CSMD1: variants seen among roughly 807,000 people sequenced by gnomAD.
The protein encoded by CSMD1 is CUB and Sushi multiple domains 1.
In CSMD1, 213 loss-of-function variants were observed where a neutral mutation model predicts 417.5. The ratio of observed to expected loss-of-function variants is 0.51; its 90% confidence interval spans 0.46 to 0.57. The LOEUF (loss-of-function observed/expected upper bound fraction) is 0.57. Ranked by LOEUF, CSMD1 falls within the 20% of genes least tolerant of loss-of-function variation. CSMD1 has a pLI of 0.00. For synonymous variants in CSMD1, 2,862 were observed against 1,736.8 expected, an observed-to-expected ratio of 1.65 and a Z score of -16.11; for missense variants, 6,923 against 4,529.7, an observed-to-expected ratio of 1.53 and a Z score of -15.17.
At chr8:3,279,707 C>G (rs1385525364) in intron 26 of CSMD1, among the ~76,000 whole-genome samples, 1 of 152,074 alleles carries the variant, frequency 6.6e-6, no homozygotes, top group African/African-American at 2.4e-5. Flanking sequence ...CCTCAGGAAA[C>G]TTACAATCAT....
intron 1 of CSMD1, among the ~76,000 whole-genome samples, chr8:4,927,915 G>C (rs1007244702): frequency 6.6e-6 from 1 of 152,112 alleles, no homozygotes; most frequent in Non-Finnish European, 1.5e-5. Context: ...AGCTCTAACA[G>C]ATGAAAATCA....
chr8:3,711,861 G>C (rs550902158), intron 6 of CSMD1, among the ~76,000 whole-genome samples: 16 of 152,250 alleles, frequency 1.1e-4, no homozygotes, highest in Non-Finnish European at 1.5e-4. Context: ...AAAGAGCATA[G>C]AACTCAACGC....
At chr8:3,061,190 C>A (rs1423084076) in intron 49 of CSMD1, among the ~76,000 whole-genome samples, 2 of 152,138 alleles carry the variant, frequency 1.3e-5, no homozygotes, top group Non-Finnish European at 2.9e-5. Flanking sequence ...TGCTTCCTCA[C>A]CTGCAAAACA....
chr8:3,703,436 T>TTTCACTCA (rs1800984570), intron 7 of CSMD1, among the ~76,000 whole-genome samples: 1 of 149,812 alleles, frequency 6.7e-6, no homozygotes, highest in Non-Finnish European at 1.5e-5. Context: ...CTTTCTCCCT[T>TTTCACTCA]TTCATTCATT....
chr8:4,949,882 C>A (rs1044716777), intron 1 of CSMD1, among the ~76,000 whole-genome samples: 2 of 151,440 alleles, frequency 1.3e-5, no homozygotes, highest in Non-Finnish European at 1.5e-5. Flanking sequence ...AATTGCCTGG[C>A]AAAAACTCCA....
intron 7 of CSMD1, among the ~76,000 whole-genome samples, chr8:3,647,740 G>A (rs1218053825): frequency 6.6e-6 from 1 of 152,190 alleles, no homozygotes; most frequent in Non-Finnish European, 1.5e-5. Flanking sequence ...ATTGATTGGA[G>A]GGAGACACAG....
intron 5 of CSMD1, among the ~76,000 whole-genome samples, chr8:3,860,532 G>A (rs1256672132): frequency 6.6e-6 from 1 of 152,032 alleles, no homozygotes; most frequent in Non-Finnish European, 1.5e-5. Context: ...AAATTACTCT[G>A]GTGGCCTGGA....
intron 8 of CSMD1, among the ~76,000 whole-genome samples, chr8:3,590,740 C>G (rs1045581342): frequency 6.6e-6 from 1 of 152,144 alleles, no homozygotes; most frequent in Non-Finnish European, 1.5e-5. Flanking sequence ...TGGGTAAACG[C>G]CATTCCAGCA....
intron 3 of CSMD1, among the ~76,000 whole-genome samples, chr8:4,127,642 C>T (rs181684739): frequency 6.6e-6 from 1 of 151,954 alleles, no homozygotes; most frequent in Non-Finnish European, 1.5e-5. Context: ...ATATTAGAAC[C>T]ACTCACCCCC....
At chr8:4,389,033 T>C (rs1285593747) in intron 3 of CSMD1, among the ~76,000 whole-genome samples, 3 of 152,240 alleles carry the variant, frequency 2.0e-5, no homozygotes, top group South Asian at 2.1e-4. Context: ...TAAGTAAGCA[T>C]GCAGTTAGTC....
At chr8:3,571,901 T>A (rs147655945) in intron 10 of CSMD1, among the ~76,000 whole-genome samples, 1 of 152,282 alleles carries the variant, frequency 6.6e-6, no homozygotes, top group East Asian at 1.9e-4. Flanking sequence ...TTCCGTCCTC[T>A]CCACCGAAAG....
At chr8:4,469,453 G>C (rs1380929804) in intron 2 of CSMD1, among the ~76,000 whole-genome samples, 1 of 152,140 alleles carries the variant, frequency 6.6e-6, no homozygotes, top group Non-Finnish European at 1.5e-5. Flanking sequence ...TGTGTTATTG[G>C]CTACATTTAG....
At chr8:4,120,935 G>C (rs1300688598) in intron 3 of CSMD1, among the ~76,000 whole-genome samples, 1 of 152,118 alleles carries the variant, frequency 6.6e-6, no homozygotes, top group African/African-American at 2.4e-5. Flanking sequence ...GCCTGAAAAT[G>C]TGTATAATAA....
chr8:3,175,470 C>CTTTTTCCTTTCCTTCCTTCT (rs202031855), intron 37 of CSMD1, among the ~76,000 whole-genome samples: 1 of 120,436 alleles, frequency 8.3e-6, no homozygotes, highest in Non-Finnish European at 1.7e-5. Flanking sequence ...TTCCTTCCTT[C>CTTTTTCCTTTCCTTCCTTCT]TTTTCCCTTC....
intron 1 of CSMD1, among the ~76,000 whole-genome samples, chr8:4,944,312 G>C (rs1280968033): frequency 3.3e-5 from 5 of 152,192 alleles, no homozygotes; most frequent in South Asian, 2.1e-4. Flanking sequence ...AGTTTACAGA[G>C]CAGACCAAGA....
chr8:3,451,193 T>A (rs982475903), intron 12 of CSMD1, among the ~76,000 whole-genome samples: 1 of 152,220 alleles, frequency 6.6e-6, no homozygotes, highest in African/African-American at 2.4e-5. Flanking sequence ...TTGTTTGAGT[T>A]CATTGTAGAT....
chr8:4,034,102 G>C (rs902064926), intron 3 of CSMD1, among the ~76,000 whole-genome samples: 1 of 152,080 alleles, frequency 6.6e-6, no homozygotes, highest in African/African-American at 2.4e-5. Context: ...TTAATGTATT[G>C]ATATAATGTA....
intron 25 of CSMD1, among the ~76,000 whole-genome samples, chr8:3,295,586 A>G (rs1212744074): frequency 6.6e-6 from 1 of 152,318 alleles, no homozygotes; most frequent in Non-Finnish European, 1.5e-5. Context: ...ACCGCACTGT[A>G]TATTCCACTG....
chr8:3,359,261 G>C lies in CSMD1; in HGVS notation c.3195C>G (p.Asp1065Glu), dbSNP rs761974179. The change falls in exon 21 of 70, where the codon GAC becomes GAG. Residue 1065 changes from aspartate to glutamate, a missense_variant. Physicochemically the swap from Asp to Glu is conservative, Grantham distance 45. Coordinates refer to ENST00000635120, the MANE Select transcript of CSMD1 (RefSeq NM_033225.6). Reference protein sequence around the residue: ...RRIGFHFGVGDSLTFSCFLGY... With the variant: ...RRIGFHFGVGESLTFSCFLGY... Reference sequence around the variant, plus strand: ...CCAGGAAGCAGGAAAACGTCAGAGAGTCTCCCACACCAAAGTGAAAACCAA... The same window carrying C: ...CCAGGAAGCAGGAAAACGTCAGAGACTCTCCCACACCAAAGTGAAAACCAA... 3 of 1,613,862 alleles carry C rather than the reference G, an allele frequency of 1.9e-6. No individual in the cohort carries two copies. Among genetic ancestry groups the C allele is most frequent in the South Asian group, 2.2e-5 (2 of 91,080 alleles).
Sources: allele counts gnomAD v4.1 joint callset (sites outside exome capture counted in the v4.1 genomes callset), GRCh38; gene constraint gnomAD v4.1.1; transcripts MANE v1.5; gene names NCBI Gene and HGNC (gene_info 2026-07-23, HGNC 2026-07-21).